The following SNX29 variants were observed in gnomAD, a reference collection of about 807,000 sequenced individuals.
SNX29 encodes sorting nexin-29.
In SNX29, 78 loss-of-function variants were observed where a neutral mutation model predicts 102.1. The ratio of observed to expected loss-of-function variants is 0.76; its 90% confidence interval spans 0.64 to 0.92. The LOEUF is 0.92. SNX29 is among the 40% of genes least tolerant of loss of function. The probability of loss-of-function intolerance (pLI) is 0.00; values close to 1 mark genes in which losing one functional copy is unlikely to be tolerated. For missense variants in SNX29, 1,280 were observed against 1,061.7 expected, an observed-to-expected ratio of 1.21 and a Z score of -2.86; for synonymous variants, 580 against 414.5, an observed-to-expected ratio of 1.40 and a Z score of -4.85.
intron 20 of SNX29, among the ~76,000 whole-genome samples, chr16:12,562,747 C>T (rs190457633): frequency 3.3e-5 from 5 of 152,222 alleles, no homozygotes; most frequent in Non-Finnish European, 5.9e-5. Flanking sequence ...TGGCATAGTT[C>T]CTTGAGTTTT....
chr16:12,450,782 C>A (rs1278606871), intron 18 of SNX29, among the ~76,000 whole-genome samples: 1 of 152,120 alleles, frequency 6.6e-6, no homozygotes, highest in Non-Finnish European at 1.5e-5. Context: ...TTAGGCCAAT[C>A]ATTGTGGTGG....
chr16:12,238,424 C>G lies in SNX29; in HGVS notation c.1678+38741C>G, dbSNP rs191342961. On this transcript the variant is annotated intron_variant, in intron 14 of 20. Coordinates refer to ENST00000566228, the MANE Select transcript of SNX29 (RefSeq NM_032167.5). ...CACTGCAGCCTCCGCCCCCCGAGTT[C>G]AAGCGATTCTCCCGCATCAGCCTCC... is the stretch of plus-strand genomic sequence containing the variant. Among the ~76,000 whole-genome samples, 401 of 152,144 alleles carry G rather than the reference C, an allele frequency of 2.6e-3. 3 individuals carry two copies. Among genetic ancestry groups the G allele is most frequent in the Middle Eastern group, 0.01 (3 of 294 alleles).
intron 19 of SNX29, among the ~76,000 whole-genome samples, chr16:12,524,049 A>G (rs1304638141): frequency 6.6e-6 from 1 of 151,980 alleles, no homozygotes; most frequent in Non-Finnish European, 1.5e-5. Context: ...CGCCTGGCTA[A>G]TTTTGTATTT....
At chr16:12,307,692 A>G (rs797015633) in intron 15 of SNX29, among the ~76,000 whole-genome samples, 4 of 152,280 alleles carry the variant, frequency 2.6e-5, no homozygotes, top group African/African-American at 9.6e-5. Context: ...TGGCGTGGAG[A>G]ATCTGTCTTG....
intron 14 of SNX29, among the ~76,000 whole-genome samples, chr16:12,272,882 A>T (rs2079132845): frequency 1.3e-5 from 2 of 152,148 alleles, no homozygotes; most frequent in South Asian, 4.2e-4. Context: ...CTCATCGTGG[A>T]AGAGGAAGGG....
At chr16:12,016,799 G>A (rs2056860824) in intron 3 of SNX29, among the ~76,000 whole-genome samples, 1 of 151,906 alleles carries the variant, frequency 6.6e-6, no homozygotes, top group South Asian at 2.1e-4. Context: ...TCCTAGAAGT[G>A]GGATTGCTGG....
rs1335433224 is a variant in SNX29, at chr16:12,573,533, T to G, written c.*4904T>G. The stretch of plus-strand genomic sequence containing the variant: ...GGCCCAGGGATTTAGTTCTTACTGG[T>G]GCGTAAGTGTTTTCCCATCCTAACC... On this transcript the variant is annotated 3_prime_UTR_variant, in exon 21 of 21. Transcript: ENST00000566228. The G allele has an allele frequency of 3.1e-5, 7 of 224,884 alleles. No individual in the cohort carries two copies. Among genetic ancestry groups the G allele is most frequent in the Non-Finnish European group, 5.3e-5 (6 of 112,886 alleles). 13.9% of individuals were successfully genotyped at this position (224,884 alleles called of 1,614,324 possible). A position where few individuals can be genotyped will look rare whatever the true frequency, so the allele number is the denominator to read the frequency against.
chr16:12,562,279 T>C (rs1345580429), intron 20 of SNX29, among the ~76,000 whole-genome samples: 1 of 152,116 alleles, frequency 6.6e-6, no homozygotes, highest in Non-Finnish European at 1.5e-5. Flanking sequence ...TGGGCCACGC[T>C]CTATCCCAGC....
chr16:12,512,898 T>G (rs1162550488), intron 19 of SNX29, among the ~76,000 whole-genome samples: 1 of 152,088 alleles, frequency 6.6e-6, no homozygotes, highest in East Asian at 1.9e-4. Context: ...TCCTCCCTCC[T>G]TCCCAGTCCG....
chr16:12,555,770 G>A lies in SNX29; in HGVS notation c.2319-12736G>A, dbSNP rs140025926. 6.4e-3 allele frequency among the ~76,000 whole-genome samples: 975 copies of A among 151,992 alleles called. 13 individuals carry two copies. Among genetic ancestry groups the A allele is most frequent in the African/African-American group, 0.023 (931 of 41,346 alleles). ...CACAACTCCAACTAGCCTTCAGGCT[G>A]CTCAGTGGCACCAGGCAGGCACACT... On this transcript the variant is annotated intron_variant, in intron 20 of 20. Transcript: ENST00000566228.
At chr16:12,003,559 G>T (rs2056361869) in intron 3 of SNX29, among the ~76,000 whole-genome samples, 1 of 152,092 alleles carries the variant, frequency 6.6e-6, no homozygotes, top group African/African-American at 2.4e-5. Flanking sequence ...TATGCGTATG[G>T]AGTGGTCCTA....
At chr16:12,318,358 C>G (rs2080821080) in intron 15 of SNX29, among the ~76,000 whole-genome samples, 1 of 152,212 alleles carries the variant, frequency 6.6e-6, no homozygotes, top group Non-Finnish European at 1.5e-5. Flanking sequence ...ATTTTGCCTT[C>G]TTGCTGATGC....
intron 19 of SNX29, among the ~76,000 whole-genome samples, chr16:12,510,149 C>T (rs1389091494): frequency 1.3e-5 from 2 of 152,210 alleles, no homozygotes; most frequent in Non-Finnish European, 2.9e-5. Flanking sequence ...GTAGCCCATA[C>T]CGCCCAGGAC....
chr16:12,094,553 G>A (rs2052690972), intron 11 of SNX29, among the ~76,000 whole-genome samples: 1 of 152,148 alleles, frequency 6.6e-6, no homozygotes, highest in Admixed American at 6.5e-5. Context: ...CTTTCTATGA[G>A]GCCTGAAAAT....
At chr16:12,099,327 C>T (rs1413893823) in intron 11 of SNX29, among the ~76,000 whole-genome samples, 2 of 152,188 alleles carry the variant, frequency 1.3e-5, no homozygotes, top group Non-Finnish European at 2.9e-5. Flanking sequence ...TGATTCTTCT[C>T]GAACCTCCCA....
chr16:12,200,036 G>A (rs1267336458), intron 14 of SNX29, among the ~76,000 whole-genome samples: 1 of 152,114 alleles, frequency 6.6e-6, no homozygotes, highest in Admixed American at 6.6e-5. Context: ...AGGCAAGATG[G>A]CAGAGAATCA....
intron 11 of SNX29, among the ~76,000 whole-genome samples, chr16:12,116,023 C>G (rs1220850779): frequency 1.3e-5 from 2 of 152,208 alleles, no homozygotes; most frequent in Admixed American, 6.5e-5. Context: ...GTGAAATAAT[C>G]CAAATTGACC....
intron 16 of SNX29, among the ~76,000 whole-genome samples, 180 bp from the exon 17 acceptor site, chr16:12,398,266 A>G (rs896012379): frequency 1.3e-5 from 2 of 152,182 alleles, no homozygotes; most frequent in African/African-American, 4.8e-5. Flanking sequence ...TATTGCTGCA[A>G]CATCCTCTCC....
At chr16:12,103,979 G>A (rs977697158) in intron 11 of SNX29, among the ~76,000 whole-genome samples, 1 of 152,126 alleles carries the variant, frequency 6.6e-6, no homozygotes, top group South Asian at 2.1e-4. Context: ...TCTAGAATTC[G>A]CTGCTAAAAA....
Sources: allele counts gnomAD v4.1 joint callset (sites outside exome capture counted in the v4.1 genomes callset), GRCh38; gene constraint gnomAD v4.1.1; transcripts MANE v1.5; gene names NCBI Gene and HGNC (gene_info 2026-07-23, HGNC 2026-07-21).